RALYL: variants seen among roughly 807,000 people sequenced by gnomAD.
The protein encoded by RALYL is RALY RNA binding protein like, also known as RNA-binding Raly-like protein.
RALYL carries 29 observed loss-of-function variants against 35.1 expected under a neutral mutation model. That is an observed-to-expected ratio of 0.83 (90% CI 0.61 to 1.13). The LOEUF (loss-of-function observed/expected upper bound fraction) is 1.13, where lower values mean the gene tolerates loss of function less well. Ranked by LOEUF, RALYL falls within the 50% of genes most tolerant of loss-of-function variation. RALYL has a pLI of 0.00. For missense variants in RALYL, 359 were observed against 360.4 expected, an observed-to-expected ratio of 1.00 and a Z score of 0.03; for synonymous variants, 120 against 127.6, an observed-to-expected ratio of 0.94 and a Z score of 0.40.
chr8:84,462,601 A>AT (rs10667055), intron 1 of RALYL, among the ~76,000 whole-genome samples: 19,616 of 136,712 alleles, frequency 0.14, 2,448 homozygotes, highest in African/African-American at 0.33. Context: ...ATCTAGATTC[A>AT]TTTTTTTTTT....
intron 2 of RALYL, among the ~76,000 whole-genome samples, chr8:84,588,686 G>T (rs1426147955): frequency 6.6e-6 from 1 of 152,070 alleles, no homozygotes; most frequent in Non-Finnish European, 1.5e-5. Context: ...AAAACCAAAA[G>T]AAATAAAGAG....
chr8:84,680,005 C>T (rs1240927425), intron 2 of RALYL, among the ~76,000 whole-genome samples: 1 of 152,078 alleles, frequency 6.6e-6, no homozygotes, highest in Non-Finnish European at 1.5e-5. Flanking sequence ...TCCCCACTCC[C>T]CCCACCCCAC....
At chr8:84,856,883 C>A (rs995512042) in intron 5 of RALYL, among the ~76,000 whole-genome samples, 1 of 150,806 alleles carries the variant, frequency 6.6e-6, no homozygotes, top group East Asian at 1.9e-4. Flanking sequence ...AAAAAATTAG[C>A]CGGGCGCGGT....
At position 84,612,405 on chromosome 8, in the gene RALYL, T is replaced by G. The variant is rs531330651; in HGVS notation, c.256+82828T>G. ...AGAGCATACTTAAGTTGTAACACTTTCCCTGTGACAAACTCCCCCTTTTGT... is the reference window on the plus strand; with the variant it reads ...AGAGCATACTTAAGTTGTAACACTTGCCCTGTGACAAACTCCCCCTTTTGT... On this transcript the variant is annotated intron_variant, in intron 2 of 8. Coordinates refer to ENST00000521268, the MANE Select transcript of RALYL (RefSeq NM_173848.7). 2.0e-5 allele frequency among the ~76,000 whole-genome samples: 3 copies of G among 152,120 alleles called. No individual in the cohort carries two copies. In the South Asian group the frequency reaches 6.2e-4, roughly 32 times the overall value.
chr8:84,714,009 A>C (rs868181551), intron 2 of RALYL, among the ~76,000 whole-genome samples: 1 of 151,660 alleles, frequency 6.6e-6, no homozygotes, highest in Middle Eastern at 3.4e-3. Flanking sequence ...TCTCATATAG[A>C]TACAACACAC....
intron 1 of RALYL, among the ~76,000 whole-genome samples, chr8:84,305,194 A>G (rs1224812906): frequency 6.6e-6 from 1 of 152,210 alleles, no homozygotes; most frequent in African/African-American, 2.4e-5. Context: ...TTTATTAAGC[A>G]TATATGTGCT....
chr8:84,786,668 A>G (rs982058999), intron 3 of RALYL, among the ~76,000 whole-genome samples: 8 of 152,030 alleles, frequency 5.3e-5, no homozygotes, highest in Non-Finnish European at 1.0e-4. Flanking sequence ...CTACTTTTTA[A>G]TAGAGTTGTT....
intron 1 of RALYL, among the ~76,000 whole-genome samples, chr8:84,419,570 A>C (rs981317286): frequency 2.0e-5 from 3 of 151,756 alleles, no homozygotes; most frequent in East Asian, 1.9e-4. Context: ...TTATACATTA[A>C]GTTTTAGGGT....
chr8:84,293,938 C>G (rs531067003), intron 1 of RALYL, among the ~76,000 whole-genome samples: 1 of 152,048 alleles, frequency 6.6e-6, no homozygotes, highest in Non-Finnish European at 1.5e-5. Flanking sequence ...AGTCCTTTTA[C>G]TTGTGATACC....
chr8:84,763,592 A>G (rs1813192874), intron 2 of RALYL, among the ~76,000 whole-genome samples: 1 of 152,176 alleles, frequency 6.6e-6, no homozygotes, highest in Non-Finnish European at 1.5e-5. Context: ...ACTGGTGAAC[A>G]CTTGTCTGGA....
intron 4 of RALYL, among the ~76,000 whole-genome samples, chr8:84,842,645 G>A (rs551425851): frequency 3.9e-5 from 6 of 152,202 alleles, no homozygotes; most frequent in Admixed American, 1.3e-4. Context: ...TGATATCAAA[G>A]CCTGGCAGAG....
At chr8:84,689,522 G>A (rs1213911102) in intron 2 of RALYL, among the ~76,000 whole-genome samples, 6 of 152,068 alleles carry the variant, frequency 3.9e-5, no homozygotes, top group Admixed American at 6.5e-5. Context: ...ATTGTGAATA[G>A]TGCCGCAATA....
At position 84,275,362 on chromosome 8, in the gene RALYL, G is replaced by A. The variant is rs561480902; in HGVS notation, c.-24+90938G>A. On this transcript the variant is annotated intron_variant, in intron 1 of 8. Coordinates refer to ENST00000521268, the MANE Select transcript of RALYL (RefSeq NM_173848.7). ...TGAATTTGCTGCCAATATTAAATTCGGAATTCATATTACAAGCAACTTACA... is the reference window on the plus strand; with the variant it reads ...TGAATTTGCTGCCAATATTAAATTCAGAATTCATATTACAAGCAACTTACA... Among the ~76,000 whole-genome samples the A allele has an allele frequency of 6.4e-4, 97 of 151,862 alleles. 2 individuals are homozygous for A. The South Asian group carries it at 0.019, about 30-fold the overall frequency.
At chr8:84,912,717 G>C (rs1379978795) in intron 8 of RALYL, among the ~76,000 whole-genome samples, 1 of 152,014 alleles carries the variant, frequency 6.6e-6, no homozygotes, top group East Asian at 1.9e-4. Flanking sequence ...TTTAGAGGAA[G>C]GTTTGTTGGG....
chr8:84,291,050 C>G (rs1331319564), intron 1 of RALYL, among the ~76,000 whole-genome samples: 1 of 151,962 alleles, frequency 6.6e-6, no homozygotes, highest in Non-Finnish European at 1.5e-5. Context: ...CTATTCTATA[C>G]TGTTGAAATA....
intron 2 of RALYL, among the ~76,000 whole-genome samples, chr8:84,763,859 G>T (rs1228291001): frequency 1.3e-5 from 2 of 152,102 alleles, no homozygotes; most frequent in Non-Finnish European, 2.9e-5. Flanking sequence ...TATGAAACGT[G>T]CTTCTGTTCT....
Position 84,183,729 on chromosome 8 carries a change from C to A in RALYL, c.-719C>A, listed in dbSNP as rs1811809121. On this transcript the variant is annotated 5_prime_UTR_variant, in exon 1 of 9. Coordinates refer to ENST00000521268, the MANE Select transcript of RALYL (RefSeq NM_173848.7). ...AAAGCTGGAGGAGCATGGTTTTGAGCCTTTTCCTGAATCCAAGTTTTTCTA... is the reference window on the plus strand; with the variant it reads ...AAAGCTGGAGGAGCATGGTTTTGAGACTTTTCCTGAATCCAAGTTTTTCTA... The A allele has an allele frequency of 6.6e-6, 1 of 150,834 alleles. No individual in the cohort carries two copies. The highest frequency in any genetic ancestry group is 2.0e-4 in the East Asian group (1 of 5,108). The allele number at this position is 150,834 out of a possible 1,614,324, so 9.3% of individuals were successfully genotyped here.
At position 84,841,905 on chromosome 8, in the gene RALYL, G is replaced by A. The variant is rs960458389; in HGVS notation, c.366-8075G>A. Reference sequence around the variant, plus strand: ...ATGAAATGAAAGCAGAAATAAAGACGTTCTTTGAAACCAATGAGAACAAAG... The same window carrying A: ...ATGAAATGAAAGCAGAAATAAAGACATTCTTTGAAACCAATGAGAACAAAG... On this transcript the variant is annotated intron_variant, in intron 4 of 8. Coordinates refer to ENST00000521268, the MANE Select transcript of RALYL (RefSeq NM_173848.7). 5.3e-5 allele frequency among the ~76,000 whole-genome samples: 8 copies of A among 152,162 alleles called. No homozygotes were observed. The East Asian group carries it at 5.8e-4, about 11-fold the overall frequency.
At chr8:84,789,133 T>G (rs1820221821) in intron 3 of RALYL, among the ~76,000 whole-genome samples, 1 of 152,214 alleles carries the variant, frequency 6.6e-6, no homozygotes, top group African/African-American at 2.4e-5. Context: ...AGACACATGA[T>G]GTATTCCTAA....
Sources: allele counts gnomAD v4.1 joint callset (sites outside exome capture counted in the v4.1 genomes callset), GRCh38; gene constraint gnomAD v4.1.1; transcripts MANE v1.5; gene names NCBI Gene and HGNC (gene_info 2026-07-23, HGNC 2026-07-21).